The following KAZN variants were observed in gnomAD, a reference collection of about 807,000 sequenced individuals.
The protein encoded by KAZN is kazrin.
In KAZN, 40 loss-of-function variants were observed where a neutral mutation model predicts 87.4. The observed-to-expected ratio is 0.46, with a 90% CI of 0.36 to 0.60. The LOEUF (loss-of-function observed/expected upper bound fraction) is 0.60, where lower values mean the gene tolerates loss of function less well. KAZN is among the 20% of genes least tolerant of loss of function. KAZN has a pLI of 0.00. For missense variants in KAZN, 898 were observed against 1,073.9 expected (o/e 0.84, Z 2.29); for synonymous variants, 466 against 458.3 (o/e 1.02, Z -0.22).
intron 2 of KAZN, among the ~76,000 whole-genome samples, chr1:14,337,550 C>T (rs2100894161): frequency 6.6e-6 from 1 of 152,302 alleles, no homozygotes; most frequent in South Asian, 2.1e-4. Context: ...CTCCTTTCCT[C>T]CATTGTTCCT....
chr1:14,742,843 G>A (rs1572373396), intron 1 of KAZN, among the ~76,000 whole-genome samples: 1 of 152,358 alleles, frequency 6.6e-6, no homozygotes, highest in East Asian at 1.9e-4. Flanking sequence ...GGAGTCACCA[G>A]GGTTCAGTGT....
intron 1 of KAZN, among the ~76,000 whole-genome samples, chr1:14,601,780 G>A (rs1310876503): frequency 6.6e-6 from 1 of 152,146 alleles, no homozygotes; most frequent in East Asian, 1.9e-4. Flanking sequence ...GTGTTTAAGT[G>A]CTATTGAGTT....
At chr1:14,206,260 T>C (rs1259449625) in intron 2 of KAZN, among the ~76,000 whole-genome samples, 1 of 151,844 alleles carries the variant, frequency 6.6e-6, no homozygotes, top group African/African-American at 2.4e-5. Flanking sequence ...TTTGTTTTTT[T>C]CTTTTCTGAT....
chr1:14,887,605 T>C (rs1037102063), intron 1 of KAZN, among the ~76,000 whole-genome samples: 3 of 152,030 alleles, frequency 2.0e-5, no homozygotes, highest in African/African-American at 7.2e-5. Context: ...TCCCTGCAAT[T>C]TTCCACCCCC....
intron 1 of KAZN, among the ~76,000 whole-genome samples, chr1:14,841,437 A>G (rs1200936763): frequency 4.1e-5 from 6 of 147,836 alleles, no homozygotes; most frequent in Non-Finnish European, 9.0e-5. Context: ...AAAAAAAAAA[A>G]AAAAGAAATG....
intron 2 of KAZN, among the ~76,000 whole-genome samples, chr1:14,507,974 T>TA (rs1196812576): frequency 4.7e-4 from 41 of 88,048 alleles, no homozygotes; most frequent in African/African-American, 1.8e-3. Flanking sequence ...CTCCAAAAAA[T>TA]AAATAAAAAA....
chr1:14,972,717 G>A (rs540614836), intron 2 of KAZN, among the ~76,000 whole-genome samples: 1 of 152,102 alleles, frequency 6.6e-6, no homozygotes, highest in East Asian at 1.9e-4. Flanking sequence ...GTTTCACCAT[G>A]TTGGCCAGGC....
intron 8 of KAZN, among the ~76,000 whole-genome samples, chr1:15,074,158 G>T (rs576402163): frequency 2.6e-5 from 4 of 152,366 alleles, no homozygotes; most frequent in Admixed American, 2.6e-4. Context: ...TCCACCTGTG[G>T]CCTGTGAAAT....
intron 2 of KAZN, among the ~76,000 whole-genome samples, chr1:14,566,962 A>G (rs932078231): frequency 1.3e-5 from 2 of 152,164 alleles, no homozygotes; most frequent in African/African-American, 4.8e-5. Context: ...CTTCCTTATC[A>G]TTCATGTGTC....
intron 1 of KAZN, among the ~76,000 whole-genome samples, chr1:14,122,063 G>A (rs1008220353): frequency 3.3e-5 from 5 of 152,154 alleles, no homozygotes; most frequent in Non-Finnish European, 7.3e-5. Flanking sequence ...GCAAAGGAGA[G>A]ATACAATCTG....
chr1:15,060,095 G>T (rs1056559221), intron 5 of KAZN, 77 bp from the exon 6 acceptor site: 13 of 1,574,010 alleles, frequency 8.3e-6, no homozygotes, highest in Non-Finnish European at 1.1e-5. Flanking sequence ...GGGGGTGTTG[G>T]GTGGAATAAC....
intron 1 of KAZN, among the ~76,000 whole-genome samples, chr1:14,714,154 C>T (rs1318292172): frequency 6.6e-6 from 1 of 152,172 alleles, no homozygotes; most frequent in East Asian, 1.9e-4. Flanking sequence ...CAGGTCCCTG[C>T]AGTCTGGTTA....
chr1:14,018,366 C>T (rs144256147), intron 1 of KAZN, among the ~76,000 whole-genome samples: 22 of 152,192 alleles, frequency 1.4e-4, no homozygotes, highest in African/African-American at 3.1e-4. Flanking sequence ...AGACAGGGTA[C>T]GGGGGAGAAG....
intron 1 of KAZN, among the ~76,000 whole-genome samples, chr1:14,872,999 CATGG>C (rs150273318): frequency 4.4e-4 from 62 of 140,612 alleles, no homozygotes; most frequent in African/African-American, 8.0e-4. Context: ...TAGAAGGATA[CATGG>C]ATGGATGGAT....
chr1:14,951,217 G>A (rs768434680), intron 1 of KAZN, among the ~76,000 whole-genome samples: 4 of 152,028 alleles, frequency 2.6e-5, no homozygotes, highest in Admixed American at 6.5e-5. Flanking sequence ...ACAGAACCGA[G>A]GAGGTGCCCT....
At chr1:14,050,451 T>G (rs1280365438) in intron 1 of KAZN, among the ~76,000 whole-genome samples, 3 of 152,062 alleles carry the variant, frequency 2.0e-5, no homozygotes, top group African/African-American at 7.2e-5. Flanking sequence ...TTCAGGAAAC[T>G]TACAACCATG....
intron 10 of KAZN, among the ~76,000 whole-genome samples, chr1:15,100,729 G>A (rs2100707870): frequency 6.6e-6 from 1 of 152,366 alleles, no homozygotes; most frequent in East Asian, 1.9e-4. Flanking sequence ...AGTCAAACAT[G>A]GACTTTAATT....
intron 2 of KAZN, among the ~76,000 whole-genome samples, chr1:15,020,453 G>A (rs1432760770): frequency 1.3e-5 from 2 of 152,134 alleles, no homozygotes; most frequent in Non-Finnish European, 2.9e-5. Context: ...TCCGAAGGTA[G>A]CCTGTCGCTG....
chr1:13,998,979 C>T (rs2101135140), intron 1 of KAZN, among the ~76,000 whole-genome samples: 1 of 152,358 alleles, frequency 6.6e-6, no homozygotes, highest in East Asian at 1.9e-4. Flanking sequence ...AAACACTCCT[C>T]AGCAAATGCA....
Sources: allele counts gnomAD v4.1 joint callset (sites outside exome capture counted in the v4.1 genomes callset), GRCh38; gene constraint gnomAD v4.1.1; transcripts MANE v1.5; gene names NCBI Gene and HGNC (gene_info 2026-07-23, HGNC 2026-07-21).